The following PPIL4 variants were observed in gnomAD, a reference collection of about 807,000 sequenced individuals.
PPIL4 encodes peptidylprolyl isomerase like 4.
PPIL4 carries 50 observed loss-of-function variants against 69.1 expected under a neutral mutation model. The observed-to-expected ratio is 0.72, with a 90% CI of 0.58 to 0.92. The LOEUF (loss-of-function observed/expected upper bound fraction) is 0.92. Among genes scored for constraint, PPIL4 ranks in the 40% least tolerant of loss-of-function variants. The probability of loss-of-function intolerance (pLI) is 0.00; values close to 1 mark genes in which losing one functional copy is unlikely to be tolerated. For missense variants in PPIL4, 480 were observed against 587.9 expected, an observed-to-expected ratio of 0.82 and a Z score of 1.90; for synonymous variants, 193 against 191.6, an observed-to-expected ratio of 1.01 and a Z score of -0.06.
chr6:149,513,385 CAAAAAAAAAAAAAAAAAAA>C (rs1170985851), intron 11 of PPIL4, among the ~76,000 whole-genome samples: 1 of 41,538 alleles, frequency 2.4e-5, no homozygotes, highest in East Asian at 7.8e-4. Context: ...GACTCAGTCT[CAAAAAAAAAAAAAAAAAAA>C]AAAAAAAAAT....
At chr6:149,543,281 T>C (rs896103325) in intron 1 of PPIL4, among the ~76,000 whole-genome samples, 1 of 152,086 alleles carries the variant, frequency 6.6e-6, no homozygotes, top group Non-Finnish European at 1.5e-5. Flanking sequence ...GAACAATTTA[T>C]AGGAAACAGG....
At chr6:149,540,422 G>A (rs896565887) in intron 4 of PPIL4, among the ~76,000 whole-genome samples, 6 of 152,272 alleles carry the variant, frequency 3.9e-5, no homozygotes, top group African/African-American at 1.4e-4. Flanking sequence ...TGAGACCATC[G>A]TGGCCAACAT....
intron 1 of PPIL4, among the ~76,000 whole-genome samples, chr6:149,544,770 A>G (rs1048358063): frequency 6.6e-6 from 1 of 152,106 alleles, no homozygotes; most frequent in Non-Finnish European, 1.5e-5. Flanking sequence ...GGTACGGGAG[A>G]GTTTGTAGTG....
At chr6:149,512,804 G>A (rs559702682) in intron 11 of PPIL4, among the ~76,000 whole-genome samples, 3 of 151,924 alleles carry the variant, frequency 2.0e-5, no homozygotes, top group East Asian at 2.0e-4. Flanking sequence ...GTGCAGTGGC[G>A]CGATCTCAGC....
chr6:149,513,231 C>G (rs1776883146), intron 11 of PPIL4, among the ~76,000 whole-genome samples: 1 of 146,128 alleles, frequency 6.8e-6, no homozygotes, highest in Non-Finnish European at 1.5e-5. Flanking sequence ...ACTAAAAATA[C>G]AAAAATTAGC....
chr6:149,545,656 C>T (rs997723313), intron 1 of PPIL4, among the ~76,000 whole-genome samples: 2 of 152,152 alleles, frequency 1.3e-5, no homozygotes, highest in African/African-American at 4.8e-5. Flanking sequence ...CACACACACA[C>T]GCCCCACACA....
chr6:149,515,298 T>C (rs1776926598), intron 11 of PPIL4, among the ~76,000 whole-genome samples: 1 of 150,704 alleles, frequency 6.6e-6, no homozygotes, highest in African/African-American at 2.5e-5. Flanking sequence ...ATTTCTTAAA[T>C]GATGGATCAT....
intron 9 of PPIL4, among the ~76,000 whole-genome samples, chr6:149,522,122 T>C (rs1777038327): frequency 6.6e-6 from 1 of 152,216 alleles, no homozygotes; most frequent in Non-Finnish European, 1.5e-5. Flanking sequence ...TGGCATGGTA[T>C]CTAAAACGTA....
intron 9 of PPIL4, among the ~76,000 whole-genome samples, chr6:149,522,637 G>A (rs1194355553): frequency 2.0e-5 from 3 of 151,908 alleles, no homozygotes; most frequent in South Asian, 2.1e-4. Context: ...TTTTTGAGAC[G>A]GAGTCTTGCT....
At chr6:149,527,601 A>T (rs1217075953) in intron 7 of PPIL4, among the ~76,000 whole-genome samples, 1 of 152,226 alleles carries the variant, frequency 6.6e-6, no homozygotes, top group Non-Finnish European at 1.5e-5. Context: ...TGATGCTACC[A>T]TCTAGCTTAA....
In PPIL4 at chr6:149,504,790, T is replaced by A. The variant is rs1369743253; in HGVS notation, c.*663A>T. On this transcript the variant is annotated 3_prime_UTR_variant, in exon 13 of 13. Transcript: ENST00000253329. ...TATATCAAGCAATATAACTGCTAGATACAATGTTCACAGCAGCATTGTTTC... is the reference window on the plus strand; with the variant it reads ...TATATCAAGCAATATAACTGCTAGAAACAATGTTCACAGCAGCATTGTTTC... 6.6e-6 allele frequency: 1 copy of A among 152,236 alleles called. No individual in the cohort carries two copies. Among genetic ancestry groups the A allele is most frequent in the Non-Finnish European group, 1.5e-5 (1 of 68,066 alleles). The allele number at this position is 152,236 out of a possible 1,614,324, so 9.4% of individuals were successfully genotyped here. A position where few individuals can be genotyped will look rare whatever the true frequency, so the allele number is the denominator to read the frequency against.
chr6:149,519,042 G>C (rs147440976), intron 10 of PPIL4, among the ~76,000 whole-genome samples: 13 of 152,096 alleles, frequency 8.5e-5, no homozygotes, highest in Admixed American at 7.2e-4. Context: ...GTTTATGATG[G>C]CATATACAAA....
chr6:149,535,749 G>A lies in PPIL4; in HGVS notation c.322-11C>T. 2 of 1,562,898 alleles carry A rather than the reference G, an allele frequency of 1.3e-6. No homozygotes were observed. Among genetic ancestry groups the A allele is most frequent in the African/African-American group, 1.4e-5 (1 of 73,374 alleles). ...TGTGGTGATAAGAAACTATAAAGAAGGACACATAATAAATACCATAAAAAT... is the reference window on the plus strand; with the variant it reads ...TGTGGTGATAAGAAACTATAAAGAAAGACACATAATAAATACCATAAAAAT... On this transcript the variant is annotated splice_polypyrimidine_tract_variant and intron_variant, in intron 4 of 12. Coordinates refer to ENST00000253329, the MANE Select transcript of PPIL4 (RefSeq NM_139126.4).
At chr6:149,520,840 C>A (rs1777019424) in intron 10 of PPIL4, among the ~76,000 whole-genome samples, 1 of 152,028 alleles carries the variant, frequency 6.6e-6, no homozygotes, top group Non-Finnish European at 1.5e-5. Context: ...TGGTGAAACC[C>A]CATCTCTACT....
intron 12 of PPIL4, among the ~76,000 whole-genome samples, chr6:149,508,460 C>T (rs1054635227): frequency 6.6e-6 from 1 of 151,972 alleles, no homozygotes; most frequent in Non-Finnish European, 1.5e-5. Flanking sequence ...CACAAAATGG[C>T]CAATTTAAAG....
Position 149,519,245 on chromosome 6 carries a change from A to G in PPIL4, c.983-1795T>C, listed in dbSNP as rs189997432. On this transcript the variant is annotated intron_variant, in intron 10 of 12. Transcript: ENST00000253329. ...CATCTGTGTATGTGACTCTAGGTAA[A>G]TCACTTCTCAAGATTATGCCTCAAA... Among the ~76,000 whole-genome samples the G allele has an allele frequency of 1.7e-3, 260 of 152,308 alleles. 2 individuals are homozygous for G. Among genetic ancestry groups the G allele is most frequent in the Non-Finnish European group, 2.7e-3 (182 of 68,022 alleles).
chr6:149,505,708 T>C lies in PPIL4; in HGVS notation c.1228-4A>G, dbSNP rs117320660. Reference sequence around the variant, plus strand: ...ACCCCATTTCTCTATAGATATCCTGTCAAAGGAAGGGGGAATTACAAGTGA... The same window carrying C: ...ACCCCATTTCTCTATAGATATCCTGCCAAAGGAAGGGGGAATTACAAGTGA... On this transcript the variant is annotated splice_polypyrimidine_tract_variant and splice_region_variant and intron_variant, in intron 12 of 12. Coordinates refer to ENST00000253329, the MANE Select transcript of PPIL4 (RefSeq NM_139126.4). The C allele has an allele frequency of 3.7e-3, 5,930 of 1,604,940 alleles. 24 individuals are homozygous for C. The highest frequency in any genetic ancestry group is 3.9e-3 in the Non-Finnish European group (4,624 of 1,175,306).
At chr6:149,533,659 T>C (rs527849833) in intron 6 of PPIL4, 85 bp from the exon 7 acceptor site, 123 of 746,006 alleles carry the variant, frequency 1.6e-4, no homozygotes, top group Admixed American at 3.5e-4. Context: ...TTCTTAGTTA[T>C]ATCAAACATG....
At chr6:149,519,790 A>C (rs1357766589) in intron 10 of PPIL4, among the ~76,000 whole-genome samples, 4 of 152,206 alleles carry the variant, frequency 2.6e-5, no homozygotes, top group African/African-American at 9.7e-5. Flanking sequence ...GACAAAAAAA[A>C]CAGTTCATTA....
Sources: gnomAD v4.1 joint callset for allele counts (sites outside exome capture counted in the v4.1 genomes callset) on GRCh38, gnomAD v4.1.1 for gene constraint, MANE v1.5 for transcripts, NCBI Gene and HGNC (gene_info 2026-07-23, HGNC 2026-07-21) for gene names.